The following PTPRD variants were observed in gnomAD, a reference collection of about 807,000 sequenced individuals.
PTPRD encodes protein tyrosine phosphatase receptor type D.
Under a neutral mutation model 214.5 loss-of-function variants are expected in PTPRD, and 34 were observed. That is an observed-to-expected ratio of 0.16 (90% CI 0.12 to 0.21). PTPRD has a LOEUF of 0.21. PTPRD is among the 10% of genes least tolerant of loss of function. PTPRD has a pLI of 1.00. For synonymous variants in PTPRD, 1,128 were observed against 845.7 expected (o/e 1.33, Z -5.79); for missense variants, 2,545 against 2,398.7 (o/e 1.06, Z -1.27).
At chr9:8,703,337 T>C (rs2098131618) in intron 12 of PTPRD, among the ~76,000 whole-genome samples, 1 of 152,202 alleles carries the variant, frequency 6.6e-6, no homozygotes. Context: ...TTGTCTGAGT[T>C]AAATGAATAT....
At chr9:9,550,647 G>A (rs549143879) in intron 8 of PTPRD, among the ~76,000 whole-genome samples, 43 of 151,256 alleles carry the variant, frequency 2.8e-4, no homozygotes, top group African/African-American at 9.4e-4. Context: ...CTTTTGCTCT[G>A]TAAAACCCCG....
At chr9:8,928,417 A>G (rs1048805606) in intron 11 of PTPRD, among the ~76,000 whole-genome samples, 2 of 152,174 alleles carry the variant, frequency 1.3e-5, no homozygotes, top group African/African-American at 4.8e-5. Context: ...AGTTTTCTGC[A>G]TATGGCTAGC....
intron 9 of PTPRD, among the ~76,000 whole-genome samples, chr9:9,275,397 CAG>C (rs1472882998): frequency 2.0e-5 from 3 of 149,598 alleles, no homozygotes; most frequent in Non-Finnish European, 3.0e-5. Flanking sequence ...CAAAATGGCT[CAG>C]AGTCACCTGC....
intron 28 of PTPRD, 25 bp downstream of exon 28, chr9:8,485,737 A>C: frequency 6.4e-7 from 1 of 1,563,436 alleles, no homozygotes; most frequent in Non-Finnish European, 8.7e-7. Flanking sequence ...TTAAAGGAGG[A>C]AGGCCGTAAG....
intron 11 of PTPRD, among the ~76,000 whole-genome samples, chr9:8,870,687 A>AACACACAT (rs2098280058): frequency 7.6e-6 from 1 of 131,372 alleles, no homozygotes; most frequent in Admixed American, 7.8e-5. Flanking sequence ...ACAGACATGA[A>AACACACAT]ACACACACAC....
At chr9:9,523,741 T>A (rs1474268861) in intron 8 of PTPRD, among the ~76,000 whole-genome samples, 2 of 152,184 alleles carry the variant, frequency 1.3e-5, no homozygotes, top group Non-Finnish European at 2.9e-5. Flanking sequence ...CAGCATGTGG[T>A]CCTGGTTTAC....
chr9:8,655,900 T>A (rs931464809), intron 12 of PTPRD, among the ~76,000 whole-genome samples: 4 of 152,190 alleles, frequency 2.6e-5, no homozygotes, highest in African/African-American at 9.6e-5. Flanking sequence ...AATCAGGCCA[T>A]GACCTTGTTC....
At chr9:8,822,915 C>G (rs1339781145) in intron 11 of PTPRD, among the ~76,000 whole-genome samples, 2 of 152,138 alleles carry the variant, frequency 1.3e-5, no homozygotes, top group East Asian at 1.9e-4. Context: ...TTCCTCCAAA[C>G]TAAGCCCAGT....
chr9:10,460,085 T>G (rs895865977), intron 2 of PTPRD, among the ~76,000 whole-genome samples: 3 of 152,052 alleles, frequency 2.0e-5, no homozygotes, highest in African/African-American at 7.2e-5. Context: ...GGAGCATATC[T>G]ATACACAAAT....
At chr9:8,665,165 A>G (rs901156499) in intron 12 of PTPRD, among the ~76,000 whole-genome samples, 3 of 152,224 alleles carry the variant, frequency 2.0e-5, no homozygotes, top group Admixed American at 6.5e-5. Context: ...GTTTTTAATC[A>G]AAAGTAAGAT....
chr9:9,784,750 C>G (rs2098904696), intron 5 of PTPRD, among the ~76,000 whole-genome samples: 1 of 151,184 alleles, frequency 6.6e-6, no homozygotes, highest in African/African-American at 2.4e-5. Flanking sequence ...TTATTACCAG[C>G]ATTTAAAATT....
chr9:9,656,957 T>A (rs1030126498), intron 7 of PTPRD, among the ~76,000 whole-genome samples: 6 of 152,096 alleles, frequency 3.9e-5, no homozygotes, highest in Non-Finnish European at 5.9e-5. Flanking sequence ...AAAGTCTACA[T>A]ATTTACAAAA....
chr9:9,968,704 C>T (rs1003802285), intron 4 of PTPRD, among the ~76,000 whole-genome samples: 1 of 151,944 alleles, frequency 6.6e-6, no homozygotes, highest in South Asian at 2.1e-4. Flanking sequence ...CTCTTCCACT[C>T]CTACAAAAAA....
At chr9:8,352,112 A>G (rs1320594854) in intron 39 of PTPRD, among the ~76,000 whole-genome samples, 1 of 151,612 alleles carries the variant, frequency 6.6e-6, no homozygotes, top group Non-Finnish European at 1.5e-5. Context: ...TGTAGACTCA[A>G]ACTAAAATCT....
chr9:8,891,151 T>TTTTTTTTTTTTTTAGCA (rs1345759298), intron 11 of PTPRD, among the ~76,000 whole-genome samples: 1 of 149,636 alleles, frequency 6.7e-6, no homozygotes, highest in Non-Finnish European at 1.5e-5. Flanking sequence ...TTTTTTTTTT[T>TTTTTTTTTTTTTTAGCA]GAGACTGAGT....
rs143955002 is a variant in PTPRD at position 10,471,212 on chromosome 9, G to T, written c.-599-130195C>A. ...CCTAATATAGATGATGGGTTGATGG[G>T]GGCAGCAAACCACCATGGCATGTGT... On this transcript the variant is annotated intron_variant, in intron 2 of 45. Coordinates refer to ENST00000381196, the MANE Select transcript of PTPRD (RefSeq NM_002839.4). Among the ~76,000 whole-genome samples the T allele has an allele frequency of 3.8e-3, 582 of 152,020 alleles. 1 individual carries two copies. Among genetic ancestry groups the T allele is most frequent in the African/African-American group, 0.013 (531 of 41,464 alleles).
intron 3 of PTPRD, among the ~76,000 whole-genome samples, chr9:10,292,266 C>T (rs942160): frequency 1 from 152,149 of 152,150 alleles, 76,074 homozygotes; most frequent in Middle Eastern, 1. Context: ...CCTTCAGCTC[C>T]GCCTTCAATG....
At chr9:9,018,014 CTATT>C (rs2099543555) in intron 11 of PTPRD, among the ~76,000 whole-genome samples, 1 of 152,058 alleles carries the variant, frequency 6.6e-6, no homozygotes, top group South Asian at 2.1e-4. Context: ...TATATGTAAT[CTATT>C]TGTTTACTCT....
chr9:9,933,965 C>A (rs1388382654), intron 5 of PTPRD, among the ~76,000 whole-genome samples: 30 of 145,658 alleles, frequency 2.1e-4, no homozygotes, highest in African/African-American at 7.9e-4. Flanking sequence ...GAACAACCTG[C>A]TCCTGAATGA....
Sources: allele counts gnomAD v4.1 joint callset (sites outside exome capture counted in the v4.1 genomes callset), GRCh38; gene constraint gnomAD v4.1.1; transcripts MANE v1.5; gene names NCBI Gene and HGNC (gene_info 2026-07-23, HGNC 2026-07-21).